The following FAM117B variants were observed in gnomAD, a reference collection of about 807,000 sequenced individuals.
FAM117B encodes protein FAM117B.
FAM117B carries 22 observed loss-of-function variants against 52.8 expected under a neutral mutation model. The observed-to-expected ratio is 0.42, with a 90% confidence interval of 0.30 to 0.59. The LOEUF (loss-of-function observed/expected upper bound fraction) is 0.59. FAM117B is among the 20% of genes least tolerant of loss of function. FAM117B has a pLI of 0.22. For synonymous variants in FAM117B, 309 were observed against 324.1 expected (o/e 0.95, Z 0.50); for missense variants, 678 against 802.6 (o/e 0.84, Z 1.88).
intron 1 of FAM117B, among the ~76,000 whole-genome samples, chr2:202,694,230 C>T (rs1243090204): frequency 1.6e-5 from 2 of 124,624 alleles, no homozygotes; most frequent in Non-Finnish European, 1.6e-5. Flanking sequence ...CTCACTCTGT[C>T]GCCAGACTGG....
chr2:202,694,213 A>G (rs1378001253), intron 1 of FAM117B, among the ~76,000 whole-genome samples: 3 of 107,160 alleles, frequency 2.8e-5, no homozygotes, highest in Admixed American at 9.9e-5. Context: ...TTTTTTTGAG[A>G]CAGAGTCTCA....
chr2:202,766,972 A>T lies in FAM117B; in HGVS notation c.*1208A>T, dbSNP rs1167728503. 6.6e-6 allele frequency: 1 copy of T among 152,668 alleles called. No homozygotes were observed. Among genetic ancestry groups the T allele is most frequent in the East Asian group, 1.9e-4 (1 of 5,178 alleles). The allele number at this position is 152,668 out of a possible 1,614,324, so 9.5% of individuals were successfully genotyped here. A position where few individuals can be genotyped will look rare whatever the true frequency, so the allele number is the denominator to read the frequency against. ...GATTTGTTGCCTACAGATTTTGCTA[A>T]TTTACCCCCCTAACGCTTCACATAG... On this transcript the variant is annotated 3_prime_UTR_variant, in exon 8 of 8. Coordinates refer to ENST00000392238, the MANE Select transcript of FAM117B (RefSeq NM_173511.4).
At chr2:202,690,298 A>G (rs556366516) in intron 1 of FAM117B, among the ~76,000 whole-genome samples, 2 of 152,356 alleles carry the variant, frequency 1.3e-5, no homozygotes, top group East Asian at 3.9e-4. Flanking sequence ...TTGTTGATAA[A>G]TGATAGTAAC....
chr2:202,696,366 C>T (rs1048727348), intron 2 of FAM117B, among the ~76,000 whole-genome samples: 2 of 151,892 alleles, frequency 1.3e-5, no homozygotes, highest in Admixed American at 6.6e-5. Flanking sequence ...CATTGGAAGA[C>T]GAAGAATTGT....
At chr2:202,744,472 T>C (rs1298016110) in intron 4 of FAM117B, among the ~76,000 whole-genome samples, 2 of 152,160 alleles carry the variant, frequency 1.3e-5, no homozygotes, top group Non-Finnish European at 2.9e-5. Flanking sequence ...CACTTCCCGT[T>C]ACGCCCCACC....
At chr2:202,673,714 C>T (rs776867978) in intron 1 of FAM117B, among the ~76,000 whole-genome samples, 1 of 151,928 alleles carries the variant, frequency 6.6e-6, no homozygotes, top group Admixed American at 6.6e-5. Context: ...TCCCAAAGTG[C>T]TGGGATTACA....
At chr2:202,754,180 G>A (rs904505902) in intron 4 of FAM117B, among the ~76,000 whole-genome samples, 5 of 152,180 alleles carry the variant, frequency 3.3e-5, no homozygotes, top group Non-Finnish European at 7.3e-5. Context: ...ATACTTCATG[G>A]AATACTATGC....
chr2:202,721,131 A>G (rs1253811237), intron 2 of FAM117B, among the ~76,000 whole-genome samples: 2 of 151,166 alleles, frequency 1.3e-5, no homozygotes, highest in Non-Finnish European at 2.9e-5. Context: ...GAGGAGAGGT[A>G]TAAACCAACT....
At chr2:202,660,026 G>T (rs889666023) in intron 1 of FAM117B, among the ~76,000 whole-genome samples, 1 of 151,296 alleles carries the variant, frequency 6.6e-6, no homozygotes, top group Non-Finnish European at 1.5e-5. Flanking sequence ...GTCACATTCT[G>T]TTATTCAGTC....
At chr2:202,708,980 G>A (rs1690918926) in intron 2 of FAM117B, among the ~76,000 whole-genome samples, 1 of 152,166 alleles carries the variant, frequency 6.6e-6, no homozygotes, top group South Asian at 2.1e-4. Flanking sequence ...CAACAACAGT[G>A]TACAGGCGTT....
chr2:202,708,339 CTT>C (rs1690906792), intron 2 of FAM117B, among the ~76,000 whole-genome samples: 1 of 152,090 alleles, frequency 6.6e-6, no homozygotes, highest in African/African-American at 2.4e-5. Flanking sequence ...TTGTGGCTGA[CTT>C]ATTTCATTTA....
chr2:202,763,713 A>T (rs1180646840), intron 7 of FAM117B, among the ~76,000 whole-genome samples: 1 of 152,214 alleles, frequency 6.6e-6, no homozygotes, highest in Non-Finnish European at 1.5e-5. Context: ...GCCCAAGTTG[A>T]ACATAACCTA....
chr2:202,758,857 C>G (rs1330648070), intron 6 of FAM117B, among the ~76,000 whole-genome samples: 1 of 152,198 alleles, frequency 6.6e-6, no homozygotes, highest in Non-Finnish European at 1.5e-5. Flanking sequence ...AGAAATCAAA[C>G]TGAGAAATTT....
chr2:202,764,789 A>G lies in FAM117B; in HGVS notation c.1452-657A>G, dbSNP rs145678213. 1.3e-3 allele frequency among the ~76,000 whole-genome samples: 199 copies of G among 152,334 alleles called. 2 individuals carry two copies. The highest frequency in any genetic ancestry group is 4.5e-3 in the African/African-American group (188 of 41,576). On this transcript the variant is annotated intron_variant, in intron 7 of 7. Coordinates refer to ENST00000392238, the MANE Select transcript of FAM117B (RefSeq NM_173511.4). ...AGGAAAAGGGAAGGATTTGGCTTTAATAAAAAGCTTTCAAAGCAAAGGAGT... is the reference window on the plus strand; with the variant it reads ...AGGAAAAGGGAAGGATTTGGCTTTAGTAAAAAGCTTTCAAAGCAAAGGAGT...
At chr2:202,754,909 A>AAAG (rs1691779511) in intron 4 of FAM117B, among the ~76,000 whole-genome samples, 2 of 148,386 alleles carry the variant, frequency 1.3e-5, no homozygotes. Flanking sequence ...AAAAAAAAAG[A>AAAG]GGCTTAATTG....
In FAM117B at chr2:202,766,006, C is replaced by A; in HGVS notation, c.*242C>A. On this transcript the variant is annotated 3_prime_UTR_variant, in exon 8 of 8. Transcript: ENST00000392238. The stretch of plus-strand genomic sequence containing the variant: ...TGATTGAAACAAGAAAGGTCTCATT[C>A]TTTACCTTTGGAGAGACAATATCAC... 1 of 503,594 alleles carries A rather than the reference C, an allele frequency of 2.0e-6. No homozygotes were observed. The allele number at this position is 503,594 out of a possible 1,614,324, so 31.2% of individuals were successfully genotyped here. A position where few individuals can be genotyped will look rare whatever the true frequency, so the allele number is the denominator to read the frequency against.
chr2:202,725,534 G>C lies in FAM117B; in HGVS notation c.846+525G>C, dbSNP rs59659819. Among the ~76,000 whole-genome samples the C allele has an allele frequency of 2.7e-4, 41 of 152,184 alleles. No individual in the cohort carries two copies. The East Asian group carries it at 6.6e-3, about 24-fold the overall frequency. ...GGGTTTCATCATGTTGTCCAGGCTG[G>C]TCTCTAACTCCTGACCTCAAGCAGT... On this transcript the variant is annotated intron_variant, in intron 3 of 7. Transcript: ENST00000392238.
In FAM117B at chr2:202,766,586, G is replaced by A. The variant is rs993568382; in HGVS notation, c.*822G>A. The A allele has an allele frequency of 6.6e-6, 1 of 152,560 alleles. No homozygotes were observed. Among genetic ancestry groups the A allele is most frequent in the Non-Finnish European group, 1.5e-5 (1 of 68,038 alleles). 9.5% of individuals were successfully genotyped at this position (152,560 alleles called of 1,614,324 possible). A position where few individuals can be genotyped will look rare whatever the true frequency, so the allele number is the denominator to read the frequency against. On this transcript the variant is annotated 3_prime_UTR_variant, in exon 8 of 8. Coordinates refer to ENST00000392238, the MANE Select transcript of FAM117B (RefSeq NM_173511.4). The stretch of plus-strand genomic sequence containing the variant: ...AGTCTGAAGACAAGTGCTTTAATAT[G>A]TTCTCACCCATATTGGAACTTGATT...
intron 1 of FAM117B, among the ~76,000 whole-genome samples, chr2:202,659,915 G>A (rs1434825765): frequency 1.3e-5 from 2 of 151,782 alleles, no homozygotes; most frequent in Non-Finnish European, 2.9e-5. Context: ...CACTGCGCCC[G>A]GCCACCACCG....
Sources: allele counts gnomAD v4.1 joint callset (sites outside exome capture counted in the v4.1 genomes callset), GRCh38; gene constraint gnomAD v4.1.1; transcripts MANE v1.5; gene names NCBI Gene and HGNC (gene_info 2026-07-23, HGNC 2026-07-21).